Variants in KLHL35 observed in about 807,000 individuals in gnomAD.
The protein encoded by KLHL35 is kelch-like protein 35.
KLHL35 carries 50 observed loss-of-function variants against 44.0 expected under a neutral mutation model. The observed-to-expected ratio is 1.14, with a 90% confidence interval of 0.91 to 1.44. The LOEUF (loss-of-function observed/expected upper bound fraction) is 1.44. Among genes scored for constraint, KLHL35 ranks in the 40% most tolerant of loss-of-function variants. The probability of loss-of-function intolerance (pLI) is 0.00; values close to 1 mark genes in which losing one functional copy is unlikely to be tolerated. For missense variants in KLHL35, 1,049 were observed against 887.8 expected (o/e 1.18, Z -2.31); for synonymous variants, 470 against 410.4 (o/e 1.15, Z -1.76).
chr11:75,422,852 C>T, intron 6 of KLHL35, 84 bp from the exon 7 acceptor site: 1 of 1,291,554 alleles, frequency 7.7e-7, no homozygotes, highest in Non-Finnish European at 1.1e-6. Context: ...ATAATAGAAC[C>T]TTGACCCACA....
intron 6 of KLHL35, chr11:75,423,083 G>C (rs1948464296): frequency 2.9e-6 from 1 of 346,518 alleles, no homozygotes; most frequent in Admixed American, 4.2e-5. Context: ...ATTTTACATA[G>C]AGCCTGGAAT....
chr11:75,426,174 C>T, intron 4 of KLHL35: 1 of 169,526 alleles, frequency 5.9e-6, no homozygotes, highest in South Asian at 1.5e-4. Flanking sequence ...CCAGGATGGT[C>T]TGGATCTCCT....
Position 75,428,543 on chromosome 11 carries a change from T to C in KLHL35, c.965A>G (p.Tyr322Cys), listed in dbSNP as rs764460701. ...GGTCCACCGCTGGCTCTCTGGATGG[T>C]AGGCATCGGCGAAGGGCAGCTTCAG... ...GLLKLPFADAYHPESQRWTPL... is the reference protein window; with the variant it reads ...GLLKLPFADACHPESQRWTPL... The change falls in exon 3 of 7, where the codon TAC becomes TGC. Residue 322 changes from tyrosine (Y) to cysteine (C), a missense_variant. Coordinates refer to ENST00000539798, the MANE Select transcript of KLHL35 (RefSeq NM_001039548.3). 15 of 1,611,944 alleles carry C rather than the reference T, an allele frequency of 9.3e-6. No individual in the cohort carries two copies. In the East Asian group the frequency reaches 3.1e-4, roughly 34 times the overall value.
chr11:75,430,850 T>G (rs1327146989), intron 1 of KLHL35, among the ~76,000 whole-genome samples: 3 of 152,220 alleles, frequency 2.0e-5, no homozygotes, highest in Non-Finnish European at 4.4e-5. Flanking sequence ...CCTTTTCGGT[T>G]CTTCAAACTT....
chr11:75,430,441 G>C lies in KLHL35; in HGVS notation c.189C>G (p.Ser63Arg). Residue 63 changes from serine (S) to arginine (R), a missense_variant, in exon 2 of 7, where the codon AGC becomes AGG. Transcript: ENST00000539798. ...PCHRAALSAGSAYFRSLFAAG... is the reference protein window; with the variant it reads ...PCHRAALSAGRAYFRSLFAAG... ...CCGCGAACAAGCTGCGGAAGTAGGC[G>C]CTGCCCGCGCTGAGCGCCGCGCGGT... 7.2e-7 allele frequency: 1 copy of C among 1,387,294 alleles called. No individual in the cohort carries two copies. 85.9% of individuals were successfully genotyped at this position (1,387,294 alleles called of 1,614,324 possible).
At chr11:75,429,699 A>G (rs575533788) in intron 2 of KLHL35, 50 bp downstream of exon 2, 18 of 1,408,236 alleles carry the variant, frequency 1.3e-5, no homozygotes, top group Non-Finnish European at 1.6e-5. Flanking sequence ...TGAGCGGTGG[A>G]AGCAGGCGGG....
At position 75,429,775 on chromosome 11, in the gene KLHL35, G is replaced by A; in HGVS notation, c.855C>T (p.Ala285=). ...ARACFILGRE[A]GALRTRPRRF... The stretch of plus-strand genomic sequence containing the variant: ...TCCGCGGCCGGGTCCGCAGCGCACC[G>A]GCCTCGCGGCCCAGGATGAAGCAGG... Residue 285 remains alanine, a synonymous_variant, in exon 2 of 7, where the codon GCC becomes GCT. Transcript: ENST00000539798. 6.7e-7 allele frequency: 1 copy of A among 1,499,332 alleles called. No homozygotes were observed. The highest frequency in any genetic ancestry group is 1.2e-5 in the South Asian group (1 of 80,818). The allele number at this position is 1,499,332 out of a possible 1,614,324, so 92.9% of individuals were successfully genotyped here.
intron 1 of KLHL35, among the ~76,000 whole-genome samples, chr11:75,432,221 C>T (rs1252177637): frequency 6.6e-6 from 1 of 152,208 alleles, no homozygotes; most frequent in Non-Finnish European, 1.5e-5. Context: ...CTCCCAGCTG[C>T]TCTGCTGCCT....
chr11:75,423,631 G>C, intron 6 of KLHL35, 61 bp downstream of exon 6: 1 of 1,405,158 alleles, frequency 7.1e-7, no homozygotes. Context: ...AGATTCACAA[G>C]CTCCAAGATC....
In KLHL35 at chr11:75,430,089, C is replaced by T; in HGVS notation, c.541G>A (p.Ala181Thr). The T allele has an allele frequency of 7.4e-7, 1 of 1,358,384 alleles. No individual in the cohort carries two copies. Among genetic ancestry groups the T allele is most frequent in the Non-Finnish European group, 9.4e-7 (1 of 1,058,216 alleles). The allele number at this position is 1,358,384 out of a possible 1,614,324, so 84.1% of individuals were successfully genotyped here. ...AERCGRVLRQ[A>T]FAEVARHADF... ...GCGTGGCGCGCCACCTCGGCGAAGG[C>T]CTGACGCAGGACGCGGCCGCAGCGC... Residue 181 changes from alanine to threonine, a missense_variant, in exon 2 of 7, where the codon GCC (alanine) becomes ACC (threonine). By Grantham distance (58) the Ala-to-Thr change is moderately conservative. Coordinates refer to ENST00000539798, the MANE Select transcript of KLHL35 (RefSeq NM_001039548.3).
chr11:75,430,342 C>G lies in KLHL35; in HGVS notation c.288G>C (p.Pro96=). Residue 96 remains proline (P), a synonymous_variant, in exon 2 of 7, where the codon CCG becomes CCC. Transcript: ENST00000539798. ...PVAPEAPGTS[P]AGAAAALAVV... is the part of the protein sequence containing the mutation. Reference sequence around the variant, plus strand: ...CGGCCAGCGCCGCCGCCGCCCCGGCCGGGCTCGTGCCTGGCGCCTCGGGAG... The same window carrying G: ...CGGCCAGCGCCGCCGCCGCCCCGGCGGGGCTCGTGCCTGGCGCCTCGGGAG... The G allele has an allele frequency of 7.7e-7, 1 of 1,297,732 alleles. No homozygotes were observed. Among genetic ancestry groups the G allele is most frequent in the Non-Finnish European group, 9.8e-7 (1 of 1,022,112 alleles). The allele number at this position is 1,297,732 out of a possible 1,614,324, so 80.4% of individuals were successfully genotyped here. A position where few individuals can be genotyped will look rare whatever the true frequency, so the allele number is the denominator to read the frequency against.
In KLHL35 at chr11:75,428,629, G is replaced by A. The variant is rs1334860008; in HGVS notation, c.882-3C>T. 6.3e-7 allele frequency: 1 copy of A among 1,577,424 alleles called. No individual in the cohort carries two copies. On this transcript the variant is annotated splice_region_variant and splice_polypyrimidine_tract_variant and intron_variant, in intron 2 of 6. Transcript: ENST00000539798. ...TCACTTCAGCTAGGTCCATGAATCT[G>A]GCGTGCGGATAAGCCCAGTGCCTGT...
In KLHL35 at chr11:75,423,046, A is replaced by G. The variant is rs1304281610; in HGVS notation, c.1564-278T>C. 3.3e-5 allele frequency: 15 copies of G among 448,758 alleles called. No homozygotes were observed. In the East Asian group the frequency reaches 4.4e-4, roughly 13 times the overall value. The allele number at this position is 448,758 out of a possible 1,614,324, so 27.8% of individuals were successfully genotyped here. On this transcript the variant is annotated intron_variant, in intron 6 of 6. Coordinates refer to ENST00000539798, the MANE Select transcript of KLHL35 (RefSeq NM_001039548.3). Reference sequence around the variant, plus strand: ...GCCTTCTTCACAGGGTTCCCTTAACAGTTAATGGAAGTTAAGCATATAAAG... The same window carrying G: ...GCCTTCTTCACAGGGTTCCCTTAACGGTTAATGGAAGTTAAGCATATAAAG...
In KLHL35 at chr11:75,430,062, C is replaced by G. The variant is rs1301516829; in HGVS notation, c.568G>C (p.Asp190His). The G allele has an allele frequency of 1.1e-5, 16 of 1,395,000 alleles. No individual in the cohort carries two copies. The highest frequency in any genetic ancestry group is 1.5e-5 in the Non-Finnish European group (16 of 1,075,890). 86.4% of individuals were successfully genotyped at this position (1,395,000 alleles called of 1,614,324 possible). A position where few individuals can be genotyped will look rare whatever the true frequency, so the allele number is the denominator to read the frequency against. The change falls in exon 2 of 7, where the codon GAC becomes CAC. Residue 190 changes from aspartate to histidine, a missense_variant. By Grantham distance (81) the Asp-to-His change is moderately conservative. Coordinates refer to ENST00000539798, the MANE Select transcript of KLHL35 (RefSeq NM_001039548.3). ...QAFAEVARHADFLELAPDEVV... is the reference protein window; with the variant it reads ...QAFAEVARHAHFLELAPDEVV... The stretch of plus-strand genomic sequence containing the variant: ...TCGTCAGGCGCCAGCTCCAGGAAGT[C>G]GGCGTGGCGCGCCACCTCGGCGAAG...
chr11:75,428,666 C>G (rs1294501849), intron 2 of KLHL35, 40 bp from the exon 3 acceptor site: 3 of 1,510,190 alleles, frequency 2.0e-6, no homozygotes, highest in Non-Finnish European at 2.7e-6. Context: ...GGGCCGCACC[C>G]AAGTTCGGCC....
At chr11:75,428,349 CCTCT>C in intron 3 of KLHL35, 89 bp downstream of exon 3, 2 of 1,416,714 alleles carry the variant, frequency 1.4e-6, no homozygotes, top group Non-Finnish European at 1.9e-6. Context: ...ACATCCCGCC[CCTCT>C]CTCCCGATTG....
At chr11:75,432,740 C>T (rs1484210764) in intron 1 of KLHL35, among the ~76,000 whole-genome samples, 1 of 151,578 alleles carries the variant, frequency 6.6e-6, no homozygotes, top group Non-Finnish European at 1.5e-5. Flanking sequence ...GATCCCCAGT[C>T]TGGGGGTCAA....
At position 75,422,477 on chromosome 11, in the gene KLHL35, T is replaced by G; in HGVS notation, c.*103A>C. The stretch of plus-strand genomic sequence containing the variant: ...TTTATTTATACAAGAAAAGGGACCA[T>G]TAAGTTAAGGGCTGTTTGCGTGGAG... On this transcript the variant is annotated 3_prime_UTR_variant, in exon 7 of 7. Coordinates refer to ENST00000539798, the MANE Select transcript of KLHL35 (RefSeq NM_001039548.3). 1.9e-6 allele frequency: 2 copies of G among 1,034,860 alleles called. No individual in the cohort carries two copies. Among genetic ancestry groups the G allele is most frequent in the Non-Finnish European group, 2.8e-6 (2 of 711,100 alleles). The allele number at this position is 1,034,860 out of a possible 1,614,324, so 64.1% of individuals were successfully genotyped here.
At chr11:75,426,895 TGTG>T (rs1167267610) in intron 3 of KLHL35, 330 of 357,004 alleles carry the variant, frequency 9.2e-4, no homozygotes, top group East Asian at 1.7e-3. Flanking sequence ...CCGGGCACCT[TGTG>T]GTGGTGGTGG....
Sources: allele counts gnomAD v4.1 joint callset (sites outside exome capture counted in the v4.1 genomes callset), GRCh38; gene constraint gnomAD v4.1.1; transcripts MANE v1.5; gene names NCBI Gene and HGNC (gene_info 2026-07-23, HGNC 2026-07-21).